Variants in SPIDR observed in about 807,000 individuals in gnomAD.
SPIDR encodes the protein scaffold protein involved in DNA repair.
A neutral mutation model predicts 104.6 loss-of-function variants in SPIDR; 93 were observed. The observed-to-expected ratio is 0.89, with a 90% CI of 0.75 to 1.06. The LOEUF is 1.06. SPIDR is among the 50% of genes least tolerant of loss of function. The pLI is 0.00. For synonymous variants in SPIDR, 431 were observed against 416.9 expected (o/e 1.03, Z -0.41); for missense variants, 1,154 against 1,111.2 (o/e 1.04, Z -0.55).
chr8:47,482,712 A>G (rs1169669439), intron 8 of SPIDR, among the ~76,000 whole-genome samples: 1 of 152,208 alleles, frequency 6.6e-6, no homozygotes, highest in Non-Finnish European at 1.5e-5. Context: ...TGCTTCCTGA[A>G]AAGAAGTTGG....
intron 8 of SPIDR, among the ~76,000 whole-genome samples, chr8:47,574,350 C>T (rs10107723): frequency 0.11 from 16,021 of 152,084 alleles, 1,325 homozygotes; most frequent in African/African-American, 0.23. Flanking sequence ...GTTTTTTTCC[C>T]TTTTTATTCT....
chr8:47,655,562 T>C (rs2072606649), intron 10 of SPIDR, among the ~76,000 whole-genome samples: 4 of 152,232 alleles, frequency 2.6e-5, no homozygotes, highest in African/African-American at 9.6e-5. Context: ...GCCCACTTTT[T>C]GATGGGGTTG....
intron 8 of SPIDR, among the ~76,000 whole-genome samples, chr8:47,497,433 A>G (rs752007723): frequency 2.0e-5 from 3 of 152,088 alleles, no homozygotes; most frequent in Non-Finnish European, 4.4e-5. Context: ...AGTATTTTCT[A>G]ATGTCCCTGT....
intron 11 of SPIDR, 35 bp downstream of exon 11, chr8:47,673,976 C>T (rs1011542226): frequency 1.9e-6 from 3 of 1,597,222 alleles, no homozygotes; most frequent in Admixed American, 1.8e-5. Context: ...CAATTTGCTA[C>T]AATTGTTGGT....
At chr8:47,533,662 A>C (rs902111882) in intron 8 of SPIDR, among the ~76,000 whole-genome samples, 1 of 152,234 alleles carries the variant, frequency 6.6e-6, no homozygotes, top group Non-Finnish European at 1.5e-5. Context: ...TATGGGGGAA[A>C]AAAAACCTCA....
chr8:47,573,911 T>C (rs2058796249), intron 8 of SPIDR, among the ~76,000 whole-genome samples: 1 of 152,232 alleles, frequency 6.6e-6, no homozygotes, highest in Admixed American at 6.5e-5. Context: ...TCTTTGTTTG[T>C]GAAAATAAGC....
chr8:47,655,480 G>A (rs901907415), intron 10 of SPIDR, among the ~76,000 whole-genome samples: 3 of 152,218 alleles, frequency 2.0e-5, no homozygotes, highest in African/African-American at 7.2e-5. Context: ...GGCCAGTGAT[G>A]ATGAGCATTT....
intron 10 of SPIDR, among the ~76,000 whole-genome samples, chr8:47,642,167 T>C (rs1045198150): frequency 6.6e-6 from 1 of 152,152 alleles, no homozygotes; most frequent in African/African-American, 2.4e-5. Flanking sequence ...CAGACACCTG[T>C]AATCCCAGCA....
chr8:47,673,701 A>G (rs1439331919), intron 10 of SPIDR, 100 bp from the exon 11 acceptor site: 1 of 1,469,048 alleles, frequency 6.8e-7, no homozygotes, highest in Non-Finnish European at 9.5e-7. Context: ...GACCAGTCAC[A>G]GCAGTATATA....
At chr8:47,301,600 G>A (rs2042099472) in intron 5 of SPIDR, among the ~76,000 whole-genome samples, 1 of 147,060 alleles carries the variant, frequency 6.8e-6, no homozygotes. Context: ...TCCTTTCCAT[G>A]TTCAGTGCTT....
At chr8:47,726,132 T>C (rs539157641) in intron 16 of SPIDR, among the ~76,000 whole-genome samples, 2 of 152,366 alleles carry the variant, frequency 1.3e-5, no homozygotes, top group East Asian at 3.9e-4. Flanking sequence ...CGAGCCTTTA[T>C]TGACTTTGCT....
At chr8:47,523,509 T>G (rs1235955086) in intron 8 of SPIDR, among the ~76,000 whole-genome samples, 2 of 152,188 alleles carry the variant, frequency 1.3e-5, no homozygotes, top group African/African-American at 2.4e-5. Flanking sequence ...AACTGTCACT[T>G]GAGCTTTTCA....
chr8:47,732,260 T>A, intron 19 of SPIDR: 1 of 699,826 alleles, frequency 1.4e-6, no homozygotes. Context: ...GCCCTGCTTA[T>A]AAAGAGCTCA....
intron 2 of SPIDR, among the ~76,000 whole-genome samples, chr8:47,282,084 C>T (rs1467366284): frequency 6.6e-6 from 1 of 152,208 alleles, no homozygotes; most frequent in Non-Finnish European, 1.5e-5. Flanking sequence ...TCTTTTTCTT[C>T]TGAGCAGATC....
intron 5 of SPIDR, among the ~76,000 whole-genome samples, chr8:47,298,788 G>T (rs1333346898): frequency 3.3e-5 from 5 of 152,042 alleles, no homozygotes; most frequent in Admixed American, 3.3e-4. Flanking sequence ...ATTTCTGAGG[G>T]CTCTGTTCTG....
intron 19 of SPIDR, among the ~76,000 whole-genome samples, chr8:47,733,108 T>G (rs1000146213): frequency 1.3e-5 from 2 of 152,248 alleles, no homozygotes; most frequent in Non-Finnish European, 2.9e-5. Context: ...ATTTATTACT[T>G]GGACACAGTG....
intron 10 of SPIDR, among the ~76,000 whole-genome samples, chr8:47,601,833 T>C (rs1029702931): frequency 6.6e-6 from 1 of 152,212 alleles, no homozygotes; most frequent in Non-Finnish European, 1.5e-5. Flanking sequence ...AGATGAACTT[T>C]GGAACTAACG....
In SPIDR at chr8:47,291,156, G is replaced by T. The variant is rs1199465352; in HGVS notation, c.361+19G>T. The stretch of plus-strand genomic sequence containing the variant: ...CAGAGAGGTAATGGACATTGCTCTA[G>T]AATAGACAGATTTTGTAACAGGAAC... On this transcript the variant is annotated intron_variant, in intron 4 of 19. Coordinates refer to ENST00000297423, the MANE Select transcript of SPIDR (RefSeq NM_001080394.4). 1 of 1,519,512 alleles carries T rather than the reference G, an allele frequency of 6.6e-7. No individual in the cohort carries two copies. Among genetic ancestry groups the T allele is most frequent in the South Asian group, 1.2e-5 (1 of 82,678 alleles). The allele number at this position is 1,519,512 out of a possible 1,614,324, so 94.1% of individuals were successfully genotyped here.
intron 5 of SPIDR, among the ~76,000 whole-genome samples, chr8:47,311,909 C>G (rs1171608262): frequency 2.0e-5 from 3 of 152,128 alleles, no homozygotes; most frequent in Admixed American, 6.5e-5. Context: ...GTGATGTTCC[C>G]CTTCCTGTGT....
Sources: allele counts gnomAD v4.1 joint callset (sites outside exome capture counted in the v4.1 genomes callset), GRCh38; gene constraint gnomAD v4.1.1; transcripts MANE v1.5; gene names NCBI Gene and HGNC (gene_info 2026-07-23, HGNC 2026-07-21).